The following TOX2 variants were observed in gnomAD, a reference collection of about 807,000 sequenced individuals.
TOX2 encodes the protein TOX high mobility group box family member 2, also known as granulosa cell HMG box 1.
TOX2 carries 15 observed loss-of-function variants against 47.4 expected under a neutral mutation model. The ratio of observed to expected loss-of-function variants is 0.32; its 90% CI spans 0.21 to 0.49. The LOEUF (loss-of-function observed/expected upper bound fraction) is 0.49, where lower values mean the gene tolerates loss of function less well. Ranked by LOEUF, TOX2 falls within the 20% of genes least tolerant of loss-of-function variation. The pLI is 0.99. For missense variants in TOX2, 622 were observed against 673.1 expected (o/e 0.92, Z 0.84); for synonymous variants, 290 against 296.6 (o/e 0.98, Z 0.23).
At chr20:44,029,099 G>GC (rs2071108880) in intron 3 of TOX2, among the ~76,000 whole-genome samples, 1 of 152,136 alleles carries the variant, frequency 6.6e-6, no homozygotes, top group Non-Finnish European at 1.5e-5. Context: ...AGTCCTGGCA[G>GC]CCCCCTGACA....
chr20:43,997,638 T>C (rs1329610399), intron 2 of TOX2, among the ~76,000 whole-genome samples: 1 of 152,352 alleles, frequency 6.6e-6, no homozygotes, highest in Middle Eastern at 3.4e-3. Flanking sequence ...AAATTTGTTT[T>C]CTATTTTATT....
chr20:43,970,526 G>A (rs551426152), intron 1 of TOX2, among the ~76,000 whole-genome samples: 334 of 151,192 alleles, frequency 2.2e-3, no homozygotes, highest in African/African-American at 7.9e-3. Context: ...CATACTGTTC[G>A]ATTACTATTG....
chr20:43,967,850 G>A (rs2069887124), intron 1 of TOX2, among the ~76,000 whole-genome samples: 1 of 152,094 alleles, frequency 6.6e-6, no homozygotes, highest in African/African-American at 2.4e-5. Flanking sequence ...AATGAAAAGA[G>A]TATAATTGGA....
At chr20:44,034,863 T>G (rs1190755442) in intron 3 of TOX2, among the ~76,000 whole-genome samples, 2 of 152,224 alleles carry the variant, frequency 1.3e-5, no homozygotes, top group African/African-American at 4.8e-5. Flanking sequence ...ATAGACACCC[T>G]GTTGGCTCCC....
At chr20:43,981,527 C>T (rs929920179) in intron 2 of TOX2, among the ~76,000 whole-genome samples, 10 of 151,934 alleles carry the variant, frequency 6.6e-5, no homozygotes, top group African/African-American at 2.4e-4. Context: ...TGTGTGTGTG[C>T]GTGGTATGGG....
chr20:44,065,975 GC>G lies in TOX2; in HGVS notation c.1229del (p.Pro410LeufsTer35). On this transcript the variant is annotated frameshift_variant, in exon 7 of 9. Transcript: ENST00000341197. LOFTEE classifies it high-confidence loss of function. ...CCACACTGCACCAGCAGCTGTCACT[GC>G]CCCCTCACGCCCAGGGCGCCCTCCT... ...SPTLHQQLSL[P>X]PHAQGALLSP... 6.2e-7 allele frequency: 1 copy of G among 1,613,130 alleles called. No homozygotes were observed. Among genetic ancestry groups the G allele is most frequent in the Non-Finnish European group, 8.5e-7 (1 of 1,179,864 alleles).
intron 1 of TOX2, among the ~76,000 whole-genome samples, chr20:43,957,374 G>A (rs566440803): frequency 6.6e-6 from 1 of 152,330 alleles, no homozygotes; most frequent in Admixed American, 6.5e-5. Flanking sequence ...GCTGTTATAA[G>A]CGTGAGCTTT....
chr20:43,960,678 C>T (rs1036387275), intron 1 of TOX2, among the ~76,000 whole-genome samples: 1 of 152,348 alleles, frequency 6.6e-6, no homozygotes, highest in East Asian at 1.9e-4. Flanking sequence ...AATCTGATTT[C>T]CATTTTAAAG....
At chr20:43,950,536 G>T (rs1490846207) in intron 1 of TOX2, among the ~76,000 whole-genome samples, 2 of 151,766 alleles carry the variant, frequency 1.3e-5, no homozygotes, top group African/African-American at 4.8e-5. Flanking sequence ...TGCTGACCGA[G>T]GTCACACCTG....
At chr20:44,021,843 C>T (rs1018234337) in intron 3 of TOX2, among the ~76,000 whole-genome samples, 3 of 151,806 alleles carry the variant, frequency 2.0e-5, no homozygotes, top group African/African-American at 7.3e-5. Flanking sequence ...CCTGTGTTGC[C>T]CAGGCTTGTC....
intron 5 of TOX2, among the ~76,000 whole-genome samples, chr20:44,061,077 G>A (rs756931162): frequency 6.6e-6 from 1 of 152,048 alleles, no homozygotes; most frequent in African/African-American, 2.4e-5. Flanking sequence ...TATTACAACC[G>A]ATACCACAGA....
chr20:44,009,867 A>G (rs1600732897), intron 3 of TOX2, among the ~76,000 whole-genome samples: 1 of 152,232 alleles, frequency 6.6e-6, no homozygotes, highest in East Asian at 1.9e-4. Flanking sequence ...GTTTGGGGCC[A>G]CTGTGTTGCC....
At position 44,006,733 on chromosome 20, in the gene TOX2, A is replaced by C; in HGVS notation, c.352A>C (p.Ile118Leu). ...CTATCAGGCCATGGACCTCCCAGCC[A>C]TCATGGTGTCCAACATGCTAGCACA... ...YSYQAMDLPA[I>L]MVSNMLAQDS... The change falls in exon 3 of 9, where the codon ATC (isoleucine) becomes CTC (leucine). Residue 118 changes from isoleucine (I) to leucine (L), a missense_variant. By Grantham distance (5) the Ile-to-Leu change is conservative. Around this residue, in one of 3 missense-constraint regions of TOX2, gnomAD observed 307 missense variants for 327.3 expected, o/e 0.94. Coordinates refer to ENST00000341197, the MANE Select transcript of TOX2 (RefSeq NM_001098797.2). 6.2e-7 allele frequency: 1 copy of C among 1,614,082 alleles called. No homozygotes were observed. Among genetic ancestry groups the C allele is most frequent in the East Asian group, 2.2e-5 (1 of 44,868 alleles).
chr20:43,981,616 G>A (rs188590909), intron 2 of TOX2, among the ~76,000 whole-genome samples: 1 of 152,308 alleles, frequency 6.6e-6, no homozygotes, highest in African/African-American at 2.4e-5. Flanking sequence ...TAAACCATGG[G>A]AATTTATTAT....
At chr20:44,056,379 G>C (rs1030824507) in intron 5 of TOX2, among the ~76,000 whole-genome samples, 1 of 152,186 alleles carries the variant, frequency 6.6e-6, no homozygotes, top group Non-Finnish European at 1.5e-5. Flanking sequence ...TGTGTGTTTC[G>C]TTGGCAACCA....
At chr20:43,979,184 A>C (rs766402998) in intron 2 of TOX2, among the ~76,000 whole-genome samples, 1 of 152,228 alleles carries the variant, frequency 6.6e-6, no homozygotes, top group Admixed American at 6.5e-5. Flanking sequence ...TCAAGTAGAT[A>C]GATGATGGTA....
intron 1 of TOX2, chr20:43,945,916 C>T (rs1163672507): frequency 2.5e-6 from 4 of 1,612,810 alleles, no homozygotes; most frequent in Admixed American, 1.7e-5. Context: ...GCTGATTATG[C>T]AGCAGACTCG....
chr20:44,046,721 G>A (rs1418589967), intron 3 of TOX2, among the ~76,000 whole-genome samples: 1 of 151,976 alleles, frequency 6.6e-6, no homozygotes, highest in African/African-American at 2.4e-5. Context: ...CTAAAGTAAA[G>A]TAGTCAAAAC....
chr20:43,984,046 T>C (rs1426426724), intron 2 of TOX2, among the ~76,000 whole-genome samples: 3 of 152,218 alleles, frequency 2.0e-5, no homozygotes, highest in Admixed American at 1.3e-4. Context: ...AATTAAAACC[T>C]GGGTGAAGAG....
Sources: allele counts gnomAD v4.1 joint callset (sites outside exome capture counted in the v4.1 genomes callset), GRCh38; gene constraint gnomAD v4.1.1; regional missense constraint gnomAD v4.1.1; transcripts MANE v1.5; gene names NCBI Gene and HGNC (gene_info 2026-07-23, HGNC 2026-07-21).